PPP2R2B: variants seen among roughly 807,000 people sequenced by gnomAD.
The protein encoded by PPP2R2B is protein phosphatase 2 regulatory subunit Bbeta, also known as serine/threonine-protein phosphatase 2A 55 kDa regulatory subunit B beta isoform.
A neutral mutation model predicts 46.0 loss-of-function variants in PPP2R2B; 5 were observed. The ratio of observed to expected loss-of-function variants is 0.11; its 90% confidence interval spans 0.06 to 0.23. PPP2R2B has a LOEUF of 0.23. Among genes scored for constraint, PPP2R2B ranks in the 10% least tolerant of loss-of-function variants. PPP2R2B has a pLI of 1.00. For missense variants in PPP2R2B, 367 were observed against 575.0 expected, an observed-to-expected ratio of 0.64 and a Z score of 3.70; for synonymous variants, 215 against 206.7, an observed-to-expected ratio of 1.04 and a Z score of -0.34.
At chr5:146,976,299 A>G (rs2086375) in intron 1 of PPP2R2B, among the ~76,000 whole-genome samples, 111,338 of 151,474 alleles carry the variant, frequency 0.74, 41,696 homozygotes, top group Admixed American at 0.83. Flanking sequence ...CACTACGCCC[A>G]ACTAATTTTT....
At chr5:147,039,881 ATACT>A (rs1756214086) in intron 1 of PPP2R2B, among the ~76,000 whole-genome samples, 1 of 152,182 alleles carries the variant, frequency 6.6e-6, no homozygotes, top group Non-Finnish European at 1.5e-5. Context: ...TGCTCAAGTA[ATACT>A]TAATAAAGGG....
chr5:146,676,017 G>A (rs185787300), intron 5 of PPP2R2B, among the ~76,000 whole-genome samples: 122 of 152,112 alleles, frequency 8.0e-4, no homozygotes, highest in Non-Finnish European at 1.3e-3. Context: ...ACTCATGGGC[G>A]GATTCACCTT....
chr5:146,703,553 G>C (rs1158683048), intron 2 of PPP2R2B, among the ~76,000 whole-genome samples: 2 of 152,166 alleles, frequency 1.3e-5, no homozygotes, highest in South Asian at 4.1e-4. Flanking sequence ...TATCAGAAGA[G>C]AGTTAAGTAG....
chr5:146,789,945 G>T (rs1445901151), intron 2 of PPP2R2B, among the ~76,000 whole-genome samples: 1 of 152,184 alleles, frequency 6.6e-6, no homozygotes, highest in African/African-American at 2.4e-5. Flanking sequence ...AACTAGGTCT[G>T]CAAGGATAAT....
intron 2 of PPP2R2B, among the ~76,000 whole-genome samples, chr5:146,781,022 G>C (rs1305462663): frequency 6.6e-6 from 1 of 150,610 alleles, no homozygotes; most frequent in Non-Finnish European, 1.5e-5. Flanking sequence ...TGATGATGAT[G>C]ATATTAGTTA....
intron 2 of PPP2R2B, among the ~76,000 whole-genome samples, chr5:146,749,702 CATTG>C (rs1753429028): frequency 6.6e-6 from 1 of 150,916 alleles, no homozygotes; most frequent in Non-Finnish European, 1.5e-5. Flanking sequence ...AGGTTCACGC[CATTG>C]TCCTGCCTCA....
chr5:146,812,262 C>T (rs1002278539), intron 2 of PPP2R2B, among the ~76,000 whole-genome samples: 2 of 151,484 alleles, frequency 1.3e-5, no homozygotes, highest in African/African-American at 4.8e-5. Context: ...GGTATAAGAA[C>T]TATACACATG....
intron 1 of PPP2R2B, among the ~76,000 whole-genome samples, chr5:146,970,220 C>T (rs1267661054): frequency 2.6e-5 from 4 of 152,114 alleles, no homozygotes; most frequent in Admixed American, 1.3e-4. Flanking sequence ...AGTGGCAGTG[C>T]CCAGATTTGA....
At chr5:146,882,492 A>T (rs1002480281), upstream of PPP2R2B, among the ~76,000 whole-genome samples, 3 of 152,236 alleles carry the variant, frequency 2.0e-5, no homozygotes, top group Non-Finnish European at 4.4e-5. Flanking sequence ...CAAGCAAGTT[A>T]CAAGATCTCC....
intron 1 of PPP2R2B, among the ~76,000 whole-genome samples, chr5:146,946,555 G>A (rs2151832588): frequency 6.6e-6 from 1 of 152,200 alleles, no homozygotes; most frequent in East Asian, 1.9e-4. Context: ...ACTGTAAGTG[G>A]TGAATATTTT....
At chr5:146,812,300 CAA>C (rs2151320705) in intron 2 of PPP2R2B, among the ~76,000 whole-genome samples, 1 of 150,428 alleles carries the variant, frequency 6.6e-6, no homozygotes, top group East Asian at 2.0e-4. Flanking sequence ...CTCAAAATAA[CAA>C]AGTTTCTCTT....
chr5:147,075,455 TG>T lies in PPP2R2B; in HGVS notation c.50+5603del, dbSNP rs528207314. 4.1e-4 allele frequency among the ~76,000 whole-genome samples: 62 copies of T among 152,294 alleles called. 1 individual carries two copies. Among genetic ancestry groups the T allele is most frequent in the Non-Finnish European group, 7.4e-4 (50 of 68,006 alleles). ...CAGTTCATTGGTGCCAAATACCATC[TG>T]CATGCTGAGGCCTCCTCAGGTTCTA... On this transcript the variant is annotated intron_variant, in intron 2 of 10. Transcript: ENST00000394413.
intron 5 of PPP2R2B, among the ~76,000 whole-genome samples, chr5:146,679,988 G>A (rs1172571075): frequency 5.7e-5 from 8 of 139,432 alleles, no homozygotes; most frequent in East Asian, 2.2e-4. Context: ...TCAGTGTGGC[G>A]ATTCCTCAGG....
chr5:147,081,343 G>A (rs1757962344), exon 1 of PPP2R2B: 2 of 1,511,900 alleles, frequency 1.3e-6, no homozygotes, highest in Non-Finnish European at 1.8e-6. Context: ...GTGAATCACT[G>A]CTCTGTCTCC....
At chr5:146,932,182 G>T (rs1763990481) in intron 1 of PPP2R2B, among the ~76,000 whole-genome samples, 1 of 152,102 alleles carries the variant, frequency 6.6e-6, no homozygotes. Flanking sequence ...CATCTCCAGG[G>T]AACTGGGATT....
intron 5 of PPP2R2B, among the ~76,000 whole-genome samples, chr5:146,664,594 C>T (rs770114206): frequency 2.6e-5 from 4 of 151,772 alleles, no homozygotes; most frequent in East Asian, 1.9e-4. Context: ...AAGTCATCTA[C>T]GAGAGTTGGA....
At chr5:146,933,262 T>G (rs1764025634) in intron 1 of PPP2R2B, among the ~76,000 whole-genome samples, 1 of 152,146 alleles carries the variant, frequency 6.6e-6, no homozygotes, top group African/African-American at 2.4e-5. Context: ...ATTAACATAT[T>G]AGATCCTTGA....
chr5:146,655,108 C>T (rs1348171754), intron 5 of PPP2R2B, among the ~76,000 whole-genome samples: 1 of 152,114 alleles, frequency 6.6e-6, no homozygotes, highest in Non-Finnish European at 1.5e-5. Flanking sequence ...TCAGTGATGT[C>T]CCCCGATTCA....
chr5:146,920,912 C>T (rs996603825), intron 1 of PPP2R2B, among the ~76,000 whole-genome samples: 3 of 152,178 alleles, frequency 2.0e-5, no homozygotes, highest in Admixed American at 2.0e-4. Context: ...TATCCTTTGA[C>T]CACCAAAACC....
Sources: allele counts gnomAD v4.1 joint callset (sites outside exome capture counted in the v4.1 genomes callset), GRCh38; gene constraint gnomAD v4.1.1; transcripts MANE v1.5; gene names NCBI Gene and HGNC (gene_info 2026-07-23, HGNC 2026-07-21).